Variants in RGL4 observed in about 807,000 individuals in gnomAD.
RGL4 encodes the protein ral guanine nucleotide dissociation stimulator like 4.
A neutral mutation model predicts 49.6 loss-of-function variants in RGL4; 41 were observed. That is an observed-to-expected ratio of 0.83 (90% CI 0.64 to 1.07). The LOEUF is 1.07. Among genes scored for constraint, RGL4 ranks in the 50% least tolerant of loss-of-function variants. The pLI is 0.00. For synonymous variants in RGL4, 255 were observed against 238.0 expected (o/e 1.07, Z -0.66); for missense variants, 610 against 591.9 (o/e 1.03, Z -0.32).
rs1923296771 is a variant in RGL4 at position 23,693,751 on chromosome 22, C to T, written c.697-8C>T. 1.2e-6 allele frequency: 2 copies of T among 1,611,108 alleles called. No individual in the cohort carries two copies. Among genetic ancestry groups the T allele is most frequent in the South Asian group, 1.1e-5 (1 of 91,006 alleles). ...CTGTGTCCGTGACACTCTCCTCCTCCCCCAAAGGAGCTGTTCAAGAAGGTG... is the reference window on the plus strand; with the variant it reads ...CTGTGTCCGTGACACTCTCCTCCTCTCCCAAAGGAGCTGTTCAAGAAGGTG... On this transcript the variant is annotated splice_region_variant and splice_polypyrimidine_tract_variant and intron_variant, in intron 3 of 10. Coordinates refer to ENST00000290691, the MANE Select transcript of RGL4 (RefSeq NM_153615.2).
intron 3 of RGL4, among the ~76,000 whole-genome samples, chr22:23,693,429 G>A (rs951349251): frequency 6.6e-6 from 1 of 152,234 alleles, no homozygotes; most frequent in Non-Finnish European, 1.5e-5. Flanking sequence ...GTAGTAGAGG[G>A]CTGATTGGGA....
At chr22:23,694,163 G>A in intron 4 of RGL4, 184 bp from the exon 5 acceptor site, 3 of 710,856 alleles carry the variant, frequency 4.2e-6, no homozygotes, top group Non-Finnish European at 7.2e-6. Flanking sequence ...TCCGACCTGG[G>A]GTCTTCCTTG....
intron 6 of RGL4, 38 bp downstream of exon 6, chr22:23,695,057 A>T: frequency 6.8e-7 from 1 of 1,476,334 alleles, no homozygotes; most frequent in Non-Finnish European, 9.5e-7. Flanking sequence ...CAAGTGTTTA[A>T]GGGTCAGAGA....
rs145050416 is a variant in RGL4, at chr22:23,695,836, A to C, written c.1087-778A>C. Among the ~76,000 whole-genome samples, 369 of 152,332 alleles carry C rather than the reference A, an allele frequency of 2.4e-3. 2 individuals carry two copies. Among genetic ancestry groups the C allele is most frequent in the African/African-American group, 8.5e-3 (355 of 41,582 alleles). On this transcript the variant is annotated intron_variant, in intron 6 of 10. Transcript: ENST00000290691. ...GGACTCTGGAAAACCCTGCCATTGC[A>C]GTCAGAGATGGCGCATCAGGAGGCT...
intron 6 of RGL4, chr22:23,696,216 C>T: frequency 2.0e-6 from 2 of 1,006,932 alleles, no homozygotes; most frequent in Non-Finnish European, 2.6e-6. Flanking sequence ...CCTCTGTTTC[C>T]TCATCTGGAA....
At chr22:23,698,027 C>A in intron 9 of RGL4, 166 bp downstream of exon 9, 2 of 1,176,576 alleles carry the variant, frequency 1.7e-6, no homozygotes, top group Non-Finnish European at 2.4e-6. Flanking sequence ...GGGAAAAGCA[C>A]TGGAATCAAA....
chr22:23,696,766 A>G lies in RGL4; in HGVS notation c.1161+78A>G, dbSNP rs951429850. The G allele has an allele frequency of 2.5e-5, 32 of 1,284,100 alleles. No homozygotes were observed. In the African/African-American group the frequency reaches 4.6e-4, roughly 18 times the overall value. The allele number at this position is 1,284,100 out of a possible 1,614,324, so 79.5% of individuals were successfully genotyped here. A position where few individuals can be genotyped will look rare whatever the true frequency, so the allele number is the denominator to read the frequency against. On this transcript the variant is annotated intron_variant, in intron 7 of 10. Coordinates refer to ENST00000290691, the MANE Select transcript of RGL4 (RefSeq NM_153615.2). ...CCTTCCCCGCCAGCTGGAGGCCTCC[A>G]TATCAAGACAGCGGGGGCTTCCTCC...
At chr22:23,697,298 G>A (rs754215233) in intron 8 of RGL4, 53 bp downstream of exon 8, 4 of 1,451,988 alleles carry the variant, frequency 2.8e-6, no homozygotes, top group Admixed American at 3.4e-5. Context: ...AAGCTTGGGA[G>A]GAGAGGGTCC....
intron 9 of RGL4, 61 bp from the exon 10 acceptor site, chr22:23,698,151 C>A: frequency 6.4e-7 from 1 of 1,569,156 alleles, no homozygotes; most frequent in Non-Finnish European, 8.7e-7. Context: ...TCCCTGCCTG[C>A]CAAAGGCCCC....
chr22:23,698,481 A>C (rs530554814), intron 10 of RGL4, 148 bp downstream of exon 10: 15 of 914,588 alleles, frequency 1.6e-5, no homozygotes, highest in Non-Finnish European at 2.4e-5. Flanking sequence ...GTCCTTCCTC[A>C]GCCTCCCAAG....
intron 4 of RGL4, 58 bp from the exon 5 acceptor site, chr22:23,694,289 A>C: frequency 3.8e-6 from 5 of 1,307,808 alleles, no homozygotes; most frequent in Non-Finnish European, 4.4e-6. Context: ...GAGGGGGCTG[A>C]GGCTGTAGTG....
rs1388179179 is a variant in RGL4 at position 23,692,891 on chromosome 22, C to G, written c.596C>G (p.Pro199Arg). 6.2e-7 allele frequency: 1 copy of G among 1,613,654 alleles called. No homozygotes were observed. The highest frequency in any genetic ancestry group is 8.5e-7 in the Non-Finnish European group (1 of 1,180,032). Reference protein sequence around the residue: ...EPQSAPESSCPCRGSVKNQPS... With the variant: ...EPQSAPESSCRCRGSVKNQPS... The stretch of plus-strand genomic sequence containing the variant: ...CAGTCAGCCCCAGAGTCCTCCTGTC[C>G]CTGTCGTGGGTCTGTAAAGAACCAA... The change falls in exon 3 of 11, where the codon CCC (proline) becomes CGC (arginine). Residue 199 changes from proline to arginine, a missense_variant. Coordinates refer to ENST00000290691, the MANE Select transcript of RGL4 (RefSeq NM_153615.2).
In RGL4 at chr22:23,699,156, T is replaced by G; in HGVS notation, c.*273T>G. The stretch of plus-strand genomic sequence containing the variant: ...TTTCTTAACTTTCGTTAAAATAAAA[T>G]TTTAAAAAACTATTCAAAATGTTCT... On this transcript the variant is annotated 3_prime_UTR_variant, in exon 11 of 11. Transcript: ENST00000290691. The G allele has an allele frequency of 7.1e-7, 1 of 1,417,262 alleles. No homozygotes were observed. Among genetic ancestry groups the G allele is most frequent in the African/African-American group, 1.4e-5 (1 of 69,330 alleles). 87.8% of individuals were successfully genotyped at this position (1,417,262 alleles called of 1,614,324 possible).
Position 23,693,861 on chromosome 22 carries a change from A to G in RGL4, c.799A>G (p.Ile267Val). 2 of 1,614,054 alleles carry G rather than the reference A, an allele frequency of 1.2e-6. No homozygotes were observed. Among genetic ancestry groups the G allele is most frequent in the Non-Finnish European group, 1.7e-6 (2 of 1,180,024 alleles). Residue 267 changes from isoleucine to valine, a missense_variant, in exon 4 of 11, where the codon ATC becomes GTC. Transcript: ENST00000290691. ...EHMAPTVRAT[I>V]AHFNRLTNCI... is the part of the protein sequence containing the mutation. The stretch of plus-strand genomic sequence containing the variant: ...CATGGCACCCACAGTTCGTGCCACC[A>G]TCGCACACTTCAACAGGCTCACCAA...
intron 3 of RGL4, 122 bp downstream of exon 3, chr22:23,693,113 C>G (rs184965029): frequency 1.5e-5 from 21 of 1,430,748 alleles, no homozygotes; most frequent in Admixed American, 2.8e-5. Context: ...ACCGTGGGAT[C>G]TGGATGAGTT....
rs755749031 is a variant in RGL4 at position 23,697,156 on chromosome 22, C to T, written c.1162-15C>T. On this transcript the variant is annotated splice_polypyrimidine_tract_variant and intron_variant, in intron 7 of 10. Transcript: ENST00000290691. ...ACCACTACCCCTCCCACCTCCCCAC[C>T]CCTCCTTGGCACAGGGTGTGGTCCC... 5.6e-6 allele frequency: 9 copies of T among 1,604,488 alleles called. No individual in the cohort carries two copies. In the South Asian group the frequency reaches 1.0e-4, roughly 18 times the overall value.
Position 23,698,216 on chromosome 22 carries a change from T to C in RGL4, c.1265T>C (p.Val422Ala). 6.2e-7 allele frequency: 1 copy of C among 1,605,072 alleles called. No homozygotes were observed. Among genetic ancestry groups the C allele is most frequent in the East Asian group, 2.2e-5 (1 of 44,570 alleles). ...DGNTNKRSKE[V>A]RVLQEMQLLQ... ...CATCCTGTCCTCTGTCTCTAGGAGG[T>C]CCGAGTTCTGCAGGAAATGCAGCTG... Residue 422 changes from valine (V) to alanine (A), a missense_variant, in exon 10 of 11, where the codon GTC (valine) becomes GCC (alanine). Transcript: ENST00000290691.
At chr22:23,698,439 T>C (rs2123865371) in intron 10 of RGL4, 106 bp downstream of exon 10, 2 of 1,327,166 alleles carry the variant, frequency 1.5e-6, no homozygotes, top group Non-Finnish European at 2.1e-6. Context: ...TCACCATCTC[T>C]GTTCACTGCA....
chr22:23,695,443 TGCTGC>T (rs1923427375), intron 6 of RGL4: 6 of 423,870 alleles, frequency 1.4e-5, no homozygotes, highest in Non-Finnish European at 1.8e-5. Context: ...AGGCCTCTGC[TGCTGC>T]TGCTGCTGCT....
Sources: gnomAD v4.1 joint callset for allele counts (sites outside exome capture counted in the v4.1 genomes callset) on GRCh38, gnomAD v4.1.1 for gene constraint, MANE v1.5 for transcripts, NCBI Gene and HGNC (gene_info 2026-07-23, HGNC 2026-07-21) for gene names.